The following SNX15 variants were observed in gnomAD, a reference collection of about 807,000 sequenced individuals.
SNX15 encodes sorting nexin 15.
SNX15 carries 29 observed loss-of-function variants against 35.2 expected under a neutral mutation model. The observed-to-expected ratio is 0.82, with a 90% CI of 0.61 to 1.12. The LOEUF is 1.12. SNX15 is among the 50% of genes most tolerant of loss of function. SNX15 has a pLI of 0.00. For missense variants in SNX15, 400 were observed against 451.5 expected (o/e 0.89, Z 1.03); for synonymous variants, 189 against 188.2 (o/e 1.00, Z -0.03).
chr11:65,034,827 C>T lies in SNX15; in HGVS notation c.257-20C>T, dbSNP rs1345065742. 1 of 1,602,768 alleles carries T rather than the reference C, an allele frequency of 6.2e-7. No homozygotes were observed. The highest frequency in any genetic ancestry group is 2.2e-5 in the East Asian group (1 of 44,832). On this transcript the variant is annotated intron_variant, in intron 3 of 7. Coordinates refer to ENST00000377244, the MANE Select transcript of SNX15 (RefSeq NM_013306.5). ...TGGGTCACCGCCACTCTCCCCTGTT[C>T]CTTGTCCTGGGGGCCGTAGGCCGGT...
At chr11:65,038,060 G>A (rs1454782581) in intron 6 of SNX15, 1 of 156,826 alleles carries the variant, frequency 6.4e-6, no homozygotes, top group Non-Finnish European at 1.4e-5. Flanking sequence ...GATATAATGA[G>A]CCTTTACCTG....
chr11:65,034,795 G>T, intron 3 of SNX15, 52 bp from the exon 4 acceptor site: 1 of 1,435,302 alleles, frequency 7.0e-7, no homozygotes, highest in South Asian at 1.2e-5. Flanking sequence ...TGGGGCAGAA[G>T]CCCCTGTGGG....
chr11:65,030,898 TCTTA>T (rs1343966767), intron 1 of SNX15, among the ~76,000 whole-genome samples: 5 of 152,178 alleles, frequency 3.3e-5, no homozygotes, highest in African/African-American at 4.8e-5. Flanking sequence ...CAGCCATCTT[TCTTA>T]CTTAGTGTGT....
chr11:65,032,890 T>C (rs971502207), intron 3 of SNX15, among the ~76,000 whole-genome samples: 3 of 152,142 alleles, frequency 2.0e-5, no homozygotes, highest in African/African-American at 7.2e-5. Context: ...TTCTTTTTTG[T>C]TGTTGTTGAC....
rs754577456 is a variant in SNX15 at position 65,039,746 on chromosome 11, G to T, written c.983G>T (p.Arg328Leu). The T allele has an allele frequency of 5.0e-6, 8 of 1,613,480 alleles. No individual in the cohort carries two copies. Among genetic ancestry groups the T allele is most frequent in the Non-Finnish European group, 6.8e-6 (8 of 1,179,842 alleles). The change falls in exon 8 of 8, where the codon CGG (arginine) becomes CTG (leucine). Residue 328 changes from arginine to leucine, a missense_variant. Arg to Leu is a moderately radical substitution (Grantham distance 102). Transcript: ENST00000377244. ...AAGAAGGCAGCTGAGTACCTGAAGC[G>T]GGCAGAGGAGATCCTGCGCCTGCAC... ...VKKKAAEYLKRAEEILRLHLS... is the reference protein window; with the variant it reads ...VKKKAAEYLKLAEEILRLHLS...
rs533711786 is a variant in SNX15, at chr11:65,039,889, A to G, written c.*97A>G. 1.1e-3 allele frequency: 780 copies of G among 731,268 alleles called. 2 individuals carry two copies. Among genetic ancestry groups the G allele is most frequent in the Middle Eastern group, 3.2e-3 (11 of 3,448 alleles). The allele number at this position is 731,268 out of a possible 1,614,324, so 45.3% of individuals were successfully genotyped here. A position where few individuals can be genotyped will look rare whatever the true frequency, so the allele number is the denominator to read the frequency against. On this transcript the variant is annotated 3_prime_UTR_variant, in exon 8 of 8. Coordinates refer to ENST00000377244, the MANE Select transcript of SNX15 (RefSeq NM_013306.5). ...CCCTACCTCCTGGTCTTGTAATTAC[A>G]GGAGCCATTTCTGTAGGTAACTGGA...
chr11:65,038,599 T>C lies in SNX15; in HGVS notation c.692T>C (p.Val231Ala), dbSNP rs748021249. Residue 231 changes from valine (V) to alanine (A), a missense_variant, in exon 7 of 8, where the codon GTG becomes GCG. By Grantham distance (64) the Val-to-Ala change is moderately conservative. Transcript: ENST00000377244. ...GGCGCAGCCCCCAGCCCCACCCATG[T>C]GGCTGAGCTGGCAACGATGGAGGTG... ...EEGAAPSPTH[V>A]AELATMEVES... 16 of 1,582,886 alleles carry C rather than the reference T, an allele frequency of 1.0e-5. No homozygotes were observed. The East Asian group carries it at 3.6e-4, about 36-fold the overall frequency.
chr11:65,039,219 TTATTTATTTA>T (rs1383092556), intron 7 of SNX15, among the ~76,000 whole-genome samples: 63 of 149,332 alleles, frequency 4.2e-4, no homozygotes, highest in African/African-American at 1.4e-3. Context: ...TTATTTATTT[TTATTTATTTA>T]TTTTTATTTT....
intron 2 of SNX15, 52 bp downstream of exon 2, chr11:65,032,255 C>A (rs1946447533): frequency 1.3e-6 from 2 of 1,595,338 alleles, no homozygotes; most frequent in Non-Finnish European, 1.7e-6. Context: ...GATCTGGAAA[C>A]TGTCAAGGGG....
intron 3 of SNX15, among the ~76,000 whole-genome samples, chr11:65,033,564 A>C (rs1432209688): frequency 1.3e-5 from 2 of 151,546 alleles, no homozygotes; most frequent in Non-Finnish European, 1.5e-5. Context: ...AAAAAAAAAA[A>C]ATTGTTTCTT....
At chr11:65,038,542 C>G in intron 6 of SNX15, 30 bp from the exon 7 acceptor site, 1 of 1,510,654 alleles carries the variant, frequency 6.6e-7, no homozygotes, top group South Asian at 1.3e-5. Flanking sequence ...AAGGGCCAGT[C>G]TGGTCCGAGT....
intron 5 of SNX15, 67 bp downstream of exon 5, chr11:65,035,273 C>G: frequency 7.1e-7 from 1 of 1,412,118 alleles, no homozygotes; most frequent in South Asian, 1.4e-5. Context: ...GCCACACTCC[C>G]TCCTCAGTGA....
intron 7 of SNX15, among the ~76,000 whole-genome samples, 193 bp downstream of exon 7, chr11:65,039,022 TC>T (rs1946537091): frequency 1.5e-5 from 2 of 137,578 alleles, no homozygotes; most frequent in Non-Finnish European, 3.2e-5. Context: ...TCAGTTTTCT[TC>T]TTCCTCTTTT....
intron 2 of SNX15, 37 bp from the exon 3 acceptor site, chr11:65,032,394 C>G: frequency 1.9e-6 from 3 of 1,613,946 alleles, no homozygotes; most frequent in Non-Finnish European, 2.5e-6. Context: ...TGCCTCCCAC[C>G]ATTGCTGGTT....
At chr11:65,032,672 G>C in intron 3 of SNX15, 121 bp downstream of exon 3, 1 of 1,243,518 alleles carries the variant, frequency 8.0e-7, no homozygotes, top group African/African-American at 1.5e-5. Flanking sequence ...ATGTTTGGAA[G>C]GGCCCTTAGA....
At chr11:65,039,617 G>A (rs1421693112) in intron 7 of SNX15, 69 bp from the exon 8 acceptor site, 2 of 943,138 alleles carry the variant, frequency 2.1e-6, no homozygotes, top group South Asian at 1.4e-5. Context: ...AATTGTAAAG[G>A]ACCCGACCAG....
In SNX15 at chr11:65,034,846, G is replaced by A; in HGVS notation, c.257-1G>A. ...CCTGTTCCTTGTCCTGGGGGCCGTA[G>A]GCCGGTTTGAAGCCTCAGTGATCGA... On this transcript the variant is annotated splice_acceptor_variant, in intron 3 of 7. Coordinates refer to ENST00000377244, the MANE Select transcript of SNX15 (RefSeq NM_013306.5). LOFTEE classifies it high-confidence loss of function. 1 of 1,613,328 alleles carries A rather than the reference G, an allele frequency of 6.2e-7. No homozygotes were observed.
chr11:65,028,959 C>G (rs922706151), intron 1 of SNX15, among the ~76,000 whole-genome samples: 6 of 151,918 alleles, frequency 3.9e-5, no homozygotes, highest in African/African-American at 1.2e-4. Flanking sequence ...GGCGTGGCAG[C>G]GTGCACCTGT....
At chr11:65,029,246 G>A (rs1341571672) in intron 1 of SNX15, among the ~76,000 whole-genome samples, 1 of 150,780 alleles carries the variant, frequency 6.6e-6, no homozygotes, top group Non-Finnish European at 1.5e-5. Flanking sequence ...GCAAACTTCC[G>A]TCGCCCGGGT....
Sources: allele counts gnomAD v4.1 joint callset (sites outside exome capture counted in the v4.1 genomes callset), GRCh38; gene constraint gnomAD v4.1.1; transcripts MANE v1.5; gene names NCBI Gene and HGNC (gene_info 2026-07-23, HGNC 2026-07-21).